The following GRK4 variants were observed in gnomAD, a reference collection of about 807,000 sequenced individuals.
GRK4 encodes the protein G protein-coupled receptor kinase 4, also known as G protein-coupled receptor kinase 2-like.
In GRK4, 73 loss-of-function variants were observed where a neutral mutation model predicts 77.9. The ratio of observed to expected loss-of-function variants is 0.94; its 90% CI spans 0.78 to 1.14. The LOEUF (loss-of-function observed/expected upper bound fraction) is 1.14. Among genes scored for constraint, GRK4 ranks in the 50% most tolerant of loss-of-function variants. GRK4 has a pLI of 0.00. For missense variants in GRK4, 729 were observed against 700.2 expected (o/e 1.04, Z -0.46); for synonymous variants, 257 against 254.4 (o/e 1.01, Z -0.10).
chr4:2,969,671 C>A (rs1241898432), intron 1 of GRK4, among the ~76,000 whole-genome samples: 3 of 135,536 alleles, frequency 2.2e-5, no homozygotes, highest in African/African-American at 8.6e-5. Flanking sequence ...GCCATGGTGC[C>A]CAGCCTTTTT....
At chr4:3,021,427 T>C (rs1041403910) in intron 9 of GRK4, among the ~76,000 whole-genome samples, 5 of 152,210 alleles carry the variant, frequency 3.3e-5, no homozygotes, top group African/African-American at 9.6e-5. Context: ...GATGAGCTTC[T>C]TGGGAGTCCT....
In GRK4 at chr4:3,034,099, G is replaced by A. The variant is rs370188058; in HGVS notation, c.1270-1287G>A. Among the ~76,000 whole-genome samples the A allele has an allele frequency of 1.3e-3, 195 of 152,292 alleles. 2 individuals carry two copies. Among genetic ancestry groups the A allele is most frequent in the Middle Eastern group, 6.8e-3 (2 of 294 alleles). On this transcript the variant is annotated intron_variant, in intron 12 of 15. Transcript: ENST00000398052. The stretch of plus-strand genomic sequence containing the variant: ...CAAGAAATACTTGTCATCGAGGAGA[G>A]GTGGAGGATCCCCTCAGGCTGTGGC...
At chr4:3,033,735 T>G (rs766238978) in intron 12 of GRK4, among the ~76,000 whole-genome samples, 2 of 152,156 alleles carry the variant, frequency 1.3e-5, no homozygotes, top group Non-Finnish European at 2.9e-5. Flanking sequence ...TACAGGCATC[T>G]GCCACCACGT....
At chr4:3,009,979 G>T (rs1357909263) in intron 7 of GRK4, among the ~76,000 whole-genome samples, 1 of 152,148 alleles carries the variant, frequency 6.6e-6, no homozygotes, top group Admixed American at 6.5e-5. Flanking sequence ...CAGTCACTTT[G>T]CCCAGATGGA....
chr4:3,011,711 C>T (rs1054621424), intron 7 of GRK4, among the ~76,000 whole-genome samples: 2 of 152,190 alleles, frequency 1.3e-5, no homozygotes, highest in Non-Finnish European at 2.9e-5. Flanking sequence ...AGATTCTAAT[C>T]GTGCATTTGC....
intron 1 of GRK4, among the ~76,000 whole-genome samples, chr4:2,981,071 C>T (rs1388516054): frequency 6.6e-6 from 1 of 152,254 alleles, no homozygotes; most frequent in Non-Finnish European, 1.5e-5. Flanking sequence ...AAGCAGCTGC[C>T]ACTGTGGGTG....
In GRK4 at chr4:3,024,297, G is replaced by T. The variant is rs61791226; in HGVS notation, c.970+1846G>T. Among the ~76,000 whole-genome samples the T allele has an allele frequency of 3.3e-3, 506 of 152,166 alleles. 3 individuals are homozygous for T. The highest frequency in any genetic ancestry group is 3.7e-3 in the Non-Finnish European group (254 of 68,016). ...GTCAGGGTCTCTCTATGCTACCCAGGCTGGGTGCAGTAGCTACTCACAGGT... is the reference window on the plus strand; with the variant it reads ...GTCAGGGTCTCTCTATGCTACCCAGTCTGGGTGCAGTAGCTACTCACAGGT... On this transcript the variant is annotated intron_variant, in intron 10 of 15. Coordinates refer to ENST00000398052, the MANE Select transcript of GRK4 (RefSeq NM_182982.3).
intron 1 of GRK4, among the ~76,000 whole-genome samples, chr4:2,976,938 C>T (rs767502337): frequency 1.3e-5 from 2 of 152,176 alleles, no homozygotes; most frequent in East Asian, 1.9e-4. Context: ...CGCACCCGGC[C>T]GAATTTTCTT....
At chr4:3,029,641 T>C (rs913386661) in intron 12 of GRK4, among the ~76,000 whole-genome samples, 1 of 151,706 alleles carries the variant, frequency 6.6e-6, no homozygotes, top group Admixed American at 6.6e-5. Context: ...TTCAGGAGGC[T>C]CAGGTCCACC....
chr4:3,001,751 T>A lies in GRK4; in HGVS notation c.340-2480T>A, dbSNP rs148419847. Reference sequence around the variant, plus strand: ...TCATGATTAATTGTGATAATATTGTTGATTTTTTAAAATGTGAGTTTTCTT... The same window carrying A: ...TCATGATTAATTGTGATAATATTGTAGATTTTTTAAAATGTGAGTTTTCTT... On this transcript the variant is annotated intron_variant, in intron 4 of 15. Coordinates refer to ENST00000398052, the MANE Select transcript of GRK4 (RefSeq NM_182982.3). Among the ~76,000 whole-genome samples the A allele has an allele frequency of 3.4e-4, 52 of 152,358 alleles. No individual in the cohort carries two copies. In the East Asian group the frequency reaches 9.6e-3, roughly 28 times the overall value.
intron 15 of GRK4, among the ~76,000 whole-genome samples, chr4:3,039,880 C>T (rs1741909419): frequency 1.3e-5 from 2 of 152,054 alleles, no homozygotes; most frequent in African/African-American, 4.8e-5. Context: ...CTCCCTGGGC[C>T]CCGGTCCCAG....
At chr4:3,021,571 G>C (rs1329848782) in intron 9 of GRK4, among the ~76,000 whole-genome samples, 2 of 152,172 alleles carry the variant, frequency 1.3e-5, no homozygotes, top group Admixed American at 6.5e-5. Flanking sequence ...TCCGCACCTT[G>C]AGCATTGAGC....
chr4:2,970,478 T>C (rs1252795509), intron 1 of GRK4, among the ~76,000 whole-genome samples: 2 of 151,638 alleles, frequency 1.3e-5, no homozygotes, highest in Non-Finnish European at 2.9e-5. Context: ...GCCAACATGG[T>C]GAAACCCCGT....
chr4:3,020,820 GA>G (rs57260663), intron 9 of GRK4, among the ~76,000 whole-genome samples: 1,509 of 127,380 alleles, frequency 0.012, 25 homozygotes, highest in African/African-American at 0.043. Flanking sequence ...AAAATATTCA[GA>G]AAAAAAAGGA....
intron 3 of GRK4, 89 bp from the exon 4 acceptor site, chr4:2,992,126 A>G: frequency 1.2e-6 from 1 of 840,368 alleles, no homozygotes. Flanking sequence ...GATCCTCCCA[A>G]CCTCAGCGTC....
chr4:3,037,339 T>C lies in GRK4; in HGVS notation c.1408-35T>C, dbSNP rs920011486. The C allele has an allele frequency of 3.2e-6, 5 of 1,549,758 alleles. No individual in the cohort carries two copies. The East Asian group carries it at 6.9e-5, about 21-fold the overall frequency. ...CTGAGGGAGCTGAGAATTGCTGTAG[T>C]CATCTCAGAGGCTGCCCCTGTTCTT... On this transcript the variant is annotated intron_variant, in intron 13 of 15. Coordinates refer to ENST00000398052, the MANE Select transcript of GRK4 (RefSeq NM_182982.3).
intron 13 of GRK4, among the ~76,000 whole-genome samples, chr4:3,037,044 G>GGTGGGT (rs1740857839): frequency 6.9e-6 from 1 of 144,276 alleles, no homozygotes; most frequent in Non-Finnish European, 1.5e-5. Context: ...CCTCAGGAGG[G>GGTGGGT]GTGTGTGTGT....
At chr4:3,012,027 T>C (rs1733066345) in intron 7 of GRK4, among the ~76,000 whole-genome samples, 1 of 152,190 alleles carries the variant, frequency 6.6e-6, no homozygotes, top group South Asian at 2.1e-4. Context: ...AGCAGGGAAA[T>C]AATCGGCCCT....
chr4:3,027,877 C>G (rs1291485954), intron 10 of GRK4, 35 bp from the exon 11 acceptor site: 1 of 1,575,994 alleles, frequency 6.3e-7, no homozygotes, highest in East Asian at 2.2e-5. Context: ...ATTACTTCCC[C>G]CGTGACCTGT....
Sources: gnomAD v4.1 joint callset for allele counts (sites outside exome capture counted in the v4.1 genomes callset) on GRCh38, gnomAD v4.1.1 for gene constraint, MANE v1.5 for transcripts, NCBI Gene and HGNC (gene_info 2026-07-23, HGNC 2026-07-21) for gene names.